The following LRRC45 variants were observed in gnomAD, a reference collection of about 807,000 sequenced individuals.
LRRC45 encodes the protein leucine-rich repeat-containing protein 45.
Under a neutral mutation model 85.4 loss-of-function variants are expected in LRRC45, and 73 were observed. That is an observed-to-expected ratio of 0.85 (90% confidence interval 0.71 to 1.04). LRRC45 has a LOEUF of 1.04. Among genes scored for constraint, LRRC45 ranks in the 50% least tolerant of loss-of-function variants. The probability of loss-of-function intolerance (pLI) is 0.00; values close to 1 mark genes in which losing one functional copy is unlikely to be tolerated. For missense variants in LRRC45, 937 were observed against 883.3 expected (o/e 1.06, Z -0.77); for synonymous variants, 429 against 386.0 (o/e 1.11, Z -1.31).
At chr17:82,026,684 TTTTCC>T in intron 5 of LRRC45, 1 of 404,260 alleles carries the variant, frequency 2.5e-6, no homozygotes, top group Non-Finnish European at 4.8e-6. Flanking sequence ...GTTCAAGCGA[TTTTCC>T]TGCCTCAGCC....
intron 6 of LRRC45, 74 bp from the exon 7 acceptor site, chr17:82,027,312 C>T (rs957866040): frequency 1.9e-6 from 3 of 1,567,648 alleles, no homozygotes; most frequent in Admixed American, 3.3e-5. Context: ...GGCGCTGGCT[C>T]TCCTTCCCCC....
At chr17:82,027,564 G>A (rs1203624136) in intron 7 of LRRC45, 110 bp from the exon 8 acceptor site, 21 of 1,538,824 alleles carry the variant, frequency 1.4e-5, no homozygotes, top group Non-Finnish European at 1.8e-5. Context: ...GAGGCTCAGT[G>A]CCCAGGCGAC....
At chr17:82,028,929 G>T in intron 12 of LRRC45, 164 bp from the exon 13 acceptor site, 1 of 725,688 alleles carries the variant, frequency 1.4e-6, no homozygotes, top group Non-Finnish European at 2.3e-6. Context: ...CTCGTTCAGG[G>T]TGTGCATGCT....
At position 82,030,254 on chromosome 17, in the gene LRRC45, G is replaced by GA. The variant is rs1568016801; in HGVS notation, c.1668+16_1668+17insA. 11 of 1,534,688 alleles carry GA rather than the reference G, an allele frequency of 7.2e-6. No homozygotes were observed. In the East Asian group the frequency reaches 2.7e-4, roughly 38 times the overall value. Reference sequence around the variant, plus strand: ...GCTGCAGCAGGTAGGCGGGGCTCCGGTGGGGGGCCCCGGGCGTGCTAGCCC... The same window carrying GA: ...GCTGCAGCAGGTAGGCGGGGCTCCGGATGGGGGGCCCCGGGCGTGCTAGCCC... On this transcript the variant is annotated intron_variant, in intron 15 of 16. Transcript: ENST00000306688.
At chr17:82,027,959 A>G in intron 8 of LRRC45, 52 bp from the exon 9 acceptor site, 1 of 1,555,974 alleles carries the variant, frequency 6.4e-7, no homozygotes, top group Non-Finnish European at 8.7e-7. Flanking sequence ...AGGCCTTTAT[A>G]AGGCAAGTGA....
intron 2 of LRRC45, 140 bp downstream of exon 2, chr17:82,024,479 G>T: frequency 9.3e-7 from 1 of 1,079,128 alleles, no homozygotes; most frequent in African/African-American, 1.6e-5. Flanking sequence ...CTCTCTGATG[G>T]CCTCCTGTGT....
At chr17:82,029,669 G>A in intron 14 of LRRC45, 34 bp downstream of exon 14, 2 of 1,542,454 alleles carry the variant, frequency 1.3e-6, no homozygotes, top group East Asian at 2.4e-5. Context: ...CTCCGGGGGA[G>A]CCAGGCTGCC....
chr17:82,027,132 T>C (rs2043374979), intron 6 of LRRC45, 121 bp downstream of exon 6: 1 of 953,226 alleles, frequency 1.0e-6, no homozygotes, highest in East Asian at 2.6e-5. Context: ...GGAGCCTCTC[T>C]GAGTGGCTGG....
rs904670150 is a variant in LRRC45 at position 82,029,623 on chromosome 17, C to T, written c.1482C>T (p.Ala494=). Residue 494 remains alanine (A), a synonymous_variant, in exon 14 of 17, where the codon GCC becomes GCT. Transcript: ENST00000306688. The part of the protein sequence containing the change: ...EEELIKAKSQ[A]RLEEQQRLAH... Reference sequence around the variant, plus strand: ...AGCTGATCAAGGCCAAGAGCCAGGCCCGCCTGGAGGAGGTGAGCCACACAT... The same window carrying T: ...AGCTGATCAAGGCCAAGAGCCAGGCTCGCCTGGAGGAGGTGAGCCACACAT... 2 of 1,571,734 alleles carry T rather than the reference C, an allele frequency of 1.3e-6. No homozygotes were observed. Among genetic ancestry groups the T allele is most frequent in the Non-Finnish European group, 1.7e-6 (2 of 1,160,292 alleles).
rs183917641 is a variant in LRRC45, at chr17:82,027,020, G to A, written c.774+9G>A. The A allele has an allele frequency of 7.5e-5, 119 of 1,582,554 alleles. No individual in the cohort carries two copies. The African/African-American group carries it at 1.2e-3, about 15-fold the overall frequency. ...AGGAGAAGTCCAAGCAGGTGAGGAT[G>A]GCGCCTTCACTGACCTTGGAGCTGC... On this transcript the variant is annotated intron_variant, in intron 6 of 16. Coordinates refer to ENST00000306688, the MANE Select transcript of LRRC45 (RefSeq NM_144999.4).
In LRRC45 at chr17:82,029,624, C is replaced by T. The variant is rs780430688; in HGVS notation, c.1483C>T (p.Arg495Cys). 1.5e-5 allele frequency: 24 copies of T among 1,571,182 alleles called. No homozygotes were observed. Among genetic ancestry groups the T allele is most frequent in the Non-Finnish European group, 1.8e-5 (21 of 1,159,972 alleles). The change falls in exon 14 of 17, where the codon CGC (arginine) becomes TGC (cysteine). Residue 495 changes from arginine (R) to cysteine (C), a missense_variant. By Grantham distance (180) the Arg-to-Cys change is radical. Coordinates refer to ENST00000306688, the MANE Select transcript of LRRC45 (RefSeq NM_144999.4). ...GCTGATCAAGGCCAAGAGCCAGGCC[C>T]GCCTGGAGGAGGTGAGCCACACATG... ...EELIKAKSQARLEEQQRLAHL... is the reference protein window; with the variant it reads ...EELIKAKSQACLEEQQRLAHL...
At chr17:82,029,331 T>A in intron 13 of LRRC45, 146 bp downstream of exon 13, 1 of 921,718 alleles carries the variant, frequency 1.1e-6, no homozygotes, top group Non-Finnish European at 1.6e-6. Context: ...CACCCACCAG[T>A]GTGCCCAAGA....
intron 7 of LRRC45, 25 bp downstream of exon 7, chr17:82,027,469 G>C (rs143407803): frequency 6.2e-7 from 1 of 1,612,514 alleles, no homozygotes; most frequent in Non-Finnish European, 8.5e-7. Flanking sequence ...GGCAGGGGCA[G>C]GGTGAGGCTT....
chr17:82,025,503 C>A lies in LRRC45; in HGVS notation c.657C>A (p.Ala219=). The change falls in exon 5 of 17, where the codon GCC becomes GCA. Residue 219 remains alanine (A), a synonymous_variant. Coordinates refer to ENST00000306688, the MANE Select transcript of LRRC45 (RefSeq NM_144999.4). ...ACATCCCTGGAGACGTCCTCAGAGC[C>A]GTGGGTACGGTGCAGGGCTGTGTGG... is the stretch of plus-strand genomic sequence containing the variant. ...GNNIPGDVLR[A]VEQAMGHSQD... is the part of the protein sequence containing the mutation. The A allele has an allele frequency of 6.2e-7, 1 of 1,602,274 alleles. No homozygotes were observed. The highest frequency in any genetic ancestry group is 8.5e-7 in the Non-Finnish European group (1 of 1,174,236).
chr17:82,028,857 G>A, intron 12 of LRRC45, 174 bp downstream of exon 12: 2 of 801,420 alleles, frequency 2.5e-6, no homozygotes, highest in Non-Finnish European at 3.9e-6. Flanking sequence ...GGGGGCGGCG[G>A]GGGGACCCCG....
chr17:82,030,261 G>T (rs1217027965), intron 15 of LRRC45, 23 bp downstream of exon 15: 3 of 1,534,844 alleles, frequency 2.0e-6, no homozygotes, highest in South Asian at 1.2e-5. Context: ...CCGGTGGGGG[G>T]CCCCGGGCGT....
chr17:82,025,339 C>T lies in LRRC45; in HGVS notation c.533-40C>T, dbSNP rs78210257. ...CCCGGCCAGGCCAGCTCCCCCTCTG[C>T]CAGGTGCATTCTGTCTGGTGACTAC... On this transcript the variant is annotated intron_variant, in intron 4 of 16. Transcript: ENST00000306688. 1.4e-3 allele frequency: 2,162 copies of T among 1,543,006 alleles called. 34 individuals carry two copies. In the African/African-American group the frequency reaches 0.027, roughly 19 times the overall value.
intron 4 of LRRC45, 49 bp from the exon 5 acceptor site, chr17:82,025,330 C>A (rs778752678): frequency 6.5e-7 from 1 of 1,536,400 alleles, no homozygotes; most frequent in Non-Finnish European, 8.8e-7. Flanking sequence ...CAGGCCAGCT[C>A]CCCCTCTGCC....
intron 2 of LRRC45, 105 bp downstream of exon 2, chr17:82,024,444 A>T: frequency 7.2e-7 from 1 of 1,387,802 alleles, no homozygotes; most frequent in Non-Finnish European, 1.0e-6. Flanking sequence ...AGGTGGCTGG[A>T]AGCTGTCTGT....
Sources: gnomAD v4.1 joint callset for allele counts on GRCh38, gnomAD v4.1.1 for gene constraint, MANE v1.5 for transcripts, NCBI Gene and HGNC (gene_info 2026-07-23, HGNC 2026-07-21) for gene names.